The following MLLT10 variants were observed in gnomAD, a reference collection of about 807,000 sequenced individuals.
MLLT10 encodes the protein protein AF-10.
MLLT10 carries 30 observed loss-of-function variants against 129.1 expected under a neutral mutation model. The observed-to-expected ratio is 0.23, with a 90% CI of 0.17 to 0.32. The LOEUF is 0.32. Ranked by LOEUF, MLLT10 falls within the 10% of genes least tolerant of loss-of-function variation. The pLI is 1.00. For missense variants in MLLT10, 1,119 were observed against 1,268.3 expected, an observed-to-expected ratio of 0.88 and a Z score of 1.79; for synonymous variants, 490 against 446.4, an observed-to-expected ratio of 1.10 and a Z score of -1.23.
chr10:21,560,149 G>T, intron 3 of MLLT10, among the ~76,000 whole-genome samples: 1 of 152,148 alleles, frequency 6.6e-6, no homozygotes, highest in East Asian at 1.9e-4. Context: ...GGGATTACAG[G>T]CGTGCGCCAC....
chr10:21,610,783 G>T (rs1048273504), intron 5 of MLLT10, among the ~76,000 whole-genome samples: 8 of 151,566 alleles, frequency 5.3e-5, no homozygotes, highest in Admixed American at 1.3e-4. Flanking sequence ...CTGTTTCAAT[G>T]TGCTCTATTT....
chr10:21,626,209 A>G (rs2046418834), intron 8 of MLLT10: 2 of 1,599,480 alleles, frequency 1.3e-6, no homozygotes, highest in Non-Finnish European at 1.7e-6. Flanking sequence ...GCTGTAGTAC[A>G]GACAGAGCTC....
chr10:21,701,936 T>C (rs985815248), intron 13 of MLLT10, among the ~76,000 whole-genome samples: 2 of 150,040 alleles, frequency 1.3e-5, no homozygotes, highest in African/African-American at 4.9e-5. Context: ...GTCTCGTCTC[T>C]CTTTTTTTTG....
intron 3 of MLLT10, among the ~76,000 whole-genome samples, chr10:21,579,234 A>G (rs2041112250): frequency 6.6e-6 from 1 of 152,098 alleles, no homozygotes; most frequent in African/African-American, 2.4e-5. Context: ...TTATCCAGTC[A>G]CTGTTCCCTC....
rs2131604451 is a variant in MLLT10 at position 21,742,677 on chromosome 10, G to A, written c.*694G>A. 4.5e-6 allele frequency: 1 copy of A among 224,272 alleles called. No individual in the cohort carries two copies. Among genetic ancestry groups the A allele is most frequent in the South Asian group, 1.8e-4 (1 of 5,448 alleles). The allele number at this position is 224,272 out of a possible 1,614,324, so 13.9% of individuals were successfully genotyped here. A position where few individuals can be genotyped will look rare whatever the true frequency, so the allele number is the denominator to read the frequency against. On this transcript the variant is annotated 3_prime_UTR_variant, in exon 23 of 23. Coordinates refer to ENST00000307729, the MANE Select transcript of MLLT10 (RefSeq NM_001195626.3). The stretch of plus-strand genomic sequence containing the variant: ...ATATTTTGAAGAAATCTTGAGTTAA[G>A]TGAGTTCTGAGGCTGCTGGGGGAAC...
intron 3 of MLLT10, among the ~76,000 whole-genome samples, chr10:21,539,636 G>T (rs556787974): frequency 6.0e-4 from 91 of 152,146 alleles, no homozygotes; most frequent in African/African-American, 2.1e-3. Context: ...GCTGGGTGTG[G>T]CAAGCACCTG....
chr10:21,634,634 A>G (rs1310559252), intron 8 of MLLT10, among the ~76,000 whole-genome samples: 2 of 152,192 alleles, frequency 1.3e-5, no homozygotes, highest in Non-Finnish European at 1.5e-5. Flanking sequence ...CTTTGGTGGT[A>G]ATAATGTGAT....
At chr10:21,651,077 G>C (rs955837771) in intron 8 of MLLT10, among the ~76,000 whole-genome samples, 1 of 151,756 alleles carries the variant, frequency 6.6e-6, no homozygotes, top group African/African-American at 2.4e-5. Flanking sequence ...GTTTTGTTTT[G>C]TTTTGTTTTG....
chr10:21,605,545 A>G (rs1028723012), intron 5 of MLLT10, among the ~76,000 whole-genome samples: 1 of 152,048 alleles, frequency 6.6e-6, no homozygotes, highest in African/African-American at 2.4e-5. Flanking sequence ...CCCGGGTTCA[A>G]GTGATCCTCC....
intron 3 of MLLT10, among the ~76,000 whole-genome samples, chr10:21,579,841 G>C (rs1038770032): frequency 6.6e-6 from 1 of 152,032 alleles, no homozygotes; most frequent in African/African-American, 2.4e-5. Context: ...GGGATTACAG[G>C]TGTGAGCCAC....
At chr10:21,626,565 G>A (rs1185080254) in intron 8 of MLLT10, among the ~76,000 whole-genome samples, 1 of 152,020 alleles carries the variant, frequency 6.6e-6, no homozygotes, top group Non-Finnish European at 1.5e-5. Context: ...CCTTTTAATG[G>A]CCCCATCAGC....
At chr10:21,657,263 T>C (rs2131337932) in intron 9 of MLLT10, among the ~76,000 whole-genome samples, 1 of 152,002 alleles carries the variant, frequency 6.6e-6, no homozygotes, top group African/African-American at 2.4e-5. Context: ...CATGGTGGCA[T>C]GTGCCTATAA....
At chr10:21,651,564 G>T in intron 8 of MLLT10, 109 bp from the exon 9 acceptor site, 1 of 669,828 alleles carries the variant, frequency 1.5e-6, no homozygotes. Context: ...AGTGATTTTT[G>T]ACAGAAGTAT....
chr10:21,612,421 A>G lies in MLLT10; in HGVS notation c.479A>G (p.His160Arg), dbSNP rs2044746689. The change falls in exon 6 of 23, where the codon CAT becomes CGT. Residue 160 changes from histidine (H) to arginine (R), a missense_variant. Physicochemically the swap from His to Arg is conservative, Grantham distance 29. Around this residue, in one of 5 missense-constraint regions of MLLT10, gnomAD observed 44 missense variants for 114.3 expected, o/e 0.38. Transcript: ENST00000307729. ...GGTGCTTGCATGACATGTAATAAAC[A>G]TGGATGTCGACAGGCTTTCCATGTA... ...ATGACMTCNK[H>R]GCRQAFHVTC... 1.2e-5 allele frequency: 19 copies of G among 1,612,974 alleles called. No individual in the cohort carries two copies. The highest frequency in any genetic ancestry group is 2.7e-5 in the African/African-American group (2 of 75,002).
chr10:21,539,266 T>C (rs2130894017), intron 3 of MLLT10, among the ~76,000 whole-genome samples: 1 of 152,310 alleles, frequency 6.6e-6, no homozygotes, highest in African/African-American at 2.4e-5. Context: ...CATTGATAAT[T>C]CTCTTAGGTT....
At chr10:21,587,362 T>TG (rs2042083393) in intron 4 of MLLT10, among the ~76,000 whole-genome samples, 1 of 142,552 alleles carries the variant, frequency 7.0e-6, no homozygotes, top group South Asian at 2.2e-4. Context: ...GAGGCTGCAA[T>TG]GAGCCATGGC....
chr10:21,728,182 A>G (rs1329480737), intron 16 of MLLT10, among the ~76,000 whole-genome samples: 4 of 152,186 alleles, frequency 2.6e-5, no homozygotes, highest in Non-Finnish European at 5.9e-5. Flanking sequence ...TATTACCTGT[A>G]TACTGATTTG....
At chr10:21,545,808 A>G (rs1564379755) in intron 3 of MLLT10, among the ~76,000 whole-genome samples, 1 of 152,220 alleles carries the variant, frequency 6.6e-6, no homozygotes, top group African/African-American at 2.4e-5. Flanking sequence ...CTAGGACTAT[A>G]GGTGCATACC....
At chr10:21,591,583 ATTAAATTGCC>A (rs919658294) in intron 4 of MLLT10, among the ~76,000 whole-genome samples, 9 of 152,176 alleles carry the variant, frequency 5.9e-5, no homozygotes, top group African/African-American at 2.2e-4. Flanking sequence ...ATTTAATTAT[ATTAAATTGCC>A]TTAAATTGCC....
Sources: allele counts gnomAD v4.1 joint callset (sites outside exome capture counted in the v4.1 genomes callset), GRCh38; gene constraint gnomAD v4.1.1; regional missense constraint gnomAD v4.1.1; transcripts MANE v1.5; gene names NCBI Gene and HGNC (gene_info 2026-07-23, HGNC 2026-07-21).